Variants in RHOBTB2 observed in about 807,000 individuals in gnomAD.
RHOBTB2 encodes rho-related BTB domain-containing protein 2.
RHOBTB2 carries 39 observed loss-of-function variants against 66.5 expected under a neutral mutation model. That is an observed-to-expected ratio of 0.59 (90% confidence interval 0.45 to 0.77). RHOBTB2 has a LOEUF of 0.77. RHOBTB2 is among the 30% of genes least tolerant of loss of function. The pLI, the probability that RHOBTB2 is intolerant of heterozygous loss-of-function variation, is 0.00. For synonymous variants in RHOBTB2, 390 were observed against 395.0 expected (o/e 0.99, Z 0.15); for missense variants, 755 against 999.1 (o/e 0.76, Z 3.29).
chr8:23,004,725 C>T lies in RHOBTB2; in HGVS notation c.192+99C>T. The T allele has an allele frequency of 8.2e-7, 1 of 1,213,534 alleles. No homozygotes were observed. The highest frequency in any genetic ancestry group is 2.6e-4 in the Middle Eastern group (1 of 3,792). 75.2% of individuals were successfully genotyped at this position (1,213,534 alleles called of 1,614,324 possible). A position where few individuals can be genotyped will look rare whatever the true frequency, so the allele number is the denominator to read the frequency against. ...TGGTGTCTCCAGAGCTCACGGGAGC[C>T]CTCTAGGGGTGGGACAGGATGGGTT... On this transcript the variant is annotated intron_variant, in intron 2 of 9. Coordinates refer to ENST00000251822, the MANE Select transcript of RHOBTB2 (RefSeq NM_015178.3). The surrounding 1 kb of genome is among the most constrained non-coding windows in gnomAD (Gnocchi z 6.4).
At chr8:22,999,111 T>A (rs1379810546), upstream of RHOBTB2, 1 of 152,402 alleles carries the variant, frequency 6.6e-6, no homozygotes, top group Admixed American at 6.5e-5. Context: ...AGCAGAGGGC[T>A]TGTATGGAAA....
the RHOBTB2 span, among the ~76,000 whole-genome samples, chr8:22,981,415 C>T: frequency 6.6e-6 from 1 of 152,178 alleles, no homozygotes; most frequent in Non-Finnish European, 1.5e-5. Flanking sequence ...AGGACCCCCT[C>T]ACCCTGGCTA....
intron 7 of RHOBTB2, among the ~76,000 whole-genome samples, chr8:23,012,759 T>C (rs112854567): frequency 6.6e-6 from 1 of 152,280 alleles, no homozygotes; most frequent in African/African-American, 2.4e-5. Flanking sequence ...CCTTGGACTA[T>C]GGGCCTGCCT....
the RHOBTB2 span, among the ~76,000 whole-genome samples, chr8:22,981,043 T>C: frequency 6.6e-6 from 1 of 152,252 alleles, no homozygotes; most frequent in African/African-American, 2.4e-5. Context: ...AGCAAAAGAA[T>C]TTGTTCACAA....
chr8:22,973,280 G>A, the RHOBTB2 span, among the ~76,000 whole-genome samples: 1 of 152,118 alleles, frequency 6.6e-6, no homozygotes, highest in Non-Finnish European at 1.5e-5. Flanking sequence ...CCAAGCTGGA[G>A]TGCAGTGGCC....
chr8:22,995,137 T>C (rs1055376093), upstream of RHOBTB2, among the ~76,000 whole-genome samples: 4 of 152,212 alleles, frequency 2.6e-5, no homozygotes, highest in Admixed American at 1.3e-4. Flanking sequence ...CTTATTATAT[T>C]GCCCAGGCTG....
upstream of RHOBTB2, among the ~76,000 whole-genome samples, chr8:22,994,926 C>A (rs1272376839): frequency 6.6e-6 from 1 of 152,078 alleles, no homozygotes; most frequent in Non-Finnish European, 1.5e-5. Flanking sequence ...CCACCACGCC[C>A]AGCTAATTTT....
chr8:22,999,466 G>T, upstream of RHOBTB2: 2 of 758,590 alleles, frequency 2.6e-6, no homozygotes, highest in Non-Finnish European at 3.3e-6. Context: ...CGGGATCTGC[G>T]GGGCGTCCAA....
chr8:22,980,286 C>A, the RHOBTB2 span, among the ~76,000 whole-genome samples: 2 of 152,164 alleles, frequency 1.3e-5, no homozygotes, highest in African/African-American at 4.8e-5. Flanking sequence ...TACACTCCTA[C>A]TAAGCAGAAG....
At chr8:22,973,610 C>T in the RHOBTB2 span, among the ~76,000 whole-genome samples, 1 of 152,180 alleles carries the variant, frequency 6.6e-6, no homozygotes, top group Non-Finnish European at 1.5e-5. Flanking sequence ...ATCAGCAGTG[C>T]CCAGCCCGGG....
intron 9 of RHOBTB2, among the ~76,000 whole-genome samples, chr8:23,016,550 T>C (rs1440857785): frequency 6.6e-6 from 1 of 152,126 alleles, no homozygotes; most frequent in African/African-American, 2.4e-5. Flanking sequence ...TAGCTGGGAT[T>C]ACAGGTACCC....
rs765284894 is a variant in RHOBTB2, at chr8:23,010,516, C to T, written c.1621-22C>T. On this transcript the variant is annotated intron_variant, in intron 6 of 9. Transcript: ENST00000251822. ...TCCTAAGCAGGATCTCATTGCTGTCCGCTCACTCCTTCCCTCCCCAGGTGG... is the reference window on the plus strand; with the variant it reads ...TCCTAAGCAGGATCTCATTGCTGTCTGCTCACTCCTTCCCTCCCCAGGTGG... 127 of 1,604,422 alleles carry T rather than the reference C, an allele frequency of 7.9e-5. No individual in the cohort carries two copies. In the South Asian group the frequency reaches 1.1e-3, roughly 14 times the overall value.
chr8:23,017,341 G>A lies in RHOBTB2; in HGVS notation c.2056G>A (p.Glu686Lys), dbSNP rs754384288. 6 of 1,614,094 alleles carry A rather than the reference G, an allele frequency of 3.7e-6. No individual in the cohort carries two copies. Among genetic ancestry groups the A allele is most frequent in the Non-Finnish European group, 5.1e-6 (6 of 1,180,050 alleles). Residue 686 changes from glutamate to lysine, a missense_variant, in exon 10 of 10, where the codon GAG (glutamate) becomes AAG (lysine). Coordinates refer to ENST00000251822, the MANE Select transcript of RHOBTB2 (RefSeq NM_015178.3). This position sits in a 1 kb window ranked among gnomAD's most constrained non-coding sequence, Gnocchi z 5.3. ...TTACCAGCGGGCACGGAAGGAGCGTGAGAAGGAGGACTACCTCCACCTCAA... is the reference window on the plus strand; with the variant it reads ...TTACCAGCGGGCACGGAAGGAGCGTAAGAAGGAGGACTACCTCCACCTCAA... ...DHYQRARKER[E>K]KEDYLHLKRQ...
At chr8:22,995,462 A>T (rs1307858199), upstream of RHOBTB2, among the ~76,000 whole-genome samples, 1 of 152,252 alleles carries the variant, frequency 6.6e-6, no homozygotes, top group South Asian at 2.1e-4. Context: ...GAAAGTATTC[A>T]TGGAAGGCTT....
the RHOBTB2 span, chr8:22,977,796 G>T: frequency 6.6e-6 from 1 of 152,060 alleles, no homozygotes; most frequent in Non-Finnish European, 1.5e-5. Flanking sequence ...TAATATTGGG[G>T]AATTTTTATT....
the RHOBTB2 span, among the ~76,000 whole-genome samples, chr8:22,978,474 G>A: frequency 1.4e-5 from 2 of 140,648 alleles, no homozygotes; most frequent in South Asian, 2.2e-4. Flanking sequence ...GCGACAGAGC[G>A]AGATCTGTCT....
At chr8:22,994,675 A>T (rs760679018), upstream of RHOBTB2, 17 of 1,507,558 alleles carry the variant, frequency 1.1e-5, no homozygotes, top group South Asian at 1.3e-4. Context: ...CTCCCTTCCC[A>T]AACATTGATT....
chr8:23,016,481 G>A (rs922990519), intron 9 of RHOBTB2, among the ~76,000 whole-genome samples: 11 of 151,900 alleles, frequency 7.2e-5, no homozygotes, highest in Admixed American at 2.0e-4. Context: ...GCACAATCTC[G>A]GCTCACTGCA....
At chr8:22,993,616 C>T (rs1001719531) in intron 2 of RHOBTB2, among the ~76,000 whole-genome samples, 1 of 152,236 alleles carries the variant, frequency 6.6e-6, no homozygotes, top group Non-Finnish European at 1.5e-5. Context: ...CTCAAAGTCA[C>T]ACAGCCACTT....
Sources: gnomAD v4.1 joint callset for allele counts (sites outside exome capture counted in the v4.1 genomes callset) on GRCh38, gnomAD v4.1.1 for gene constraint, Gnocchi (gnomAD v3.1) non-coding constraint, MANE v1.5 for transcripts, NCBI Gene and HGNC (gene_info 2026-07-23, HGNC 2026-07-21) for gene names.